The following AMZ1 variants were observed in gnomAD, a reference collection of about 807,000 sequenced individuals.
AMZ1 encodes the protein archaemetzincin-1.
In AMZ1, 39 loss-of-function variants were observed where a neutral mutation model predicts 29.9. The observed-to-expected ratio is 1.30, with a 90% CI of 1.01 to 1.70. AMZ1 has a LOEUF of 1.70. Ranked by LOEUF, AMZ1 falls within the 40% of genes most tolerant of loss-of-function variation. The probability of loss-of-function intolerance (pLI) is 0.00; values close to 1 mark genes in which losing one functional copy is unlikely to be tolerated. For missense variants in AMZ1, 1,041 were observed against 680.6 expected, an observed-to-expected ratio of 1.53 and a Z score of -5.89; for synonymous variants, 458 against 304.0, an observed-to-expected ratio of 1.51 and a Z score of -5.27.
In AMZ1 at chr7:2,709,720, C is replaced by G; in HGVS notation, c.852C>G (p.Ser284Arg). Residue 284 changes from serine (S) to arginine (R), a missense_variant, in exon 6 of 7, where the codon AGC (serine) becomes AGG (arginine). Ser to Arg is a moderately radical substitution (Grantham distance 110). Transcript: ENST00000683327. ...WLRCLMQGALSLDEALRRPLD... is the reference protein window; with the variant it reads ...WLRCLMQGALRLDEALRRPLD... ...GCTGCCTCATGCAGGGTGCGCTCAG[C>G]CTGGACGAGGCCCTGCGGCGGCCCC... 6.2e-7 allele frequency: 1 copy of G among 1,611,310 alleles called. No individual in the cohort carries two copies.
intron 4 of AMZ1, among the ~76,000 whole-genome samples, chr7:2,742,009 CACTTGA>C: frequency 6.6e-6 from 1 of 151,546 alleles, no homozygotes; most frequent in Admixed American, 6.6e-5. Context: ...TAATCTGAAA[CACTTGA>C]ATTTTTTTAT....
intron 5 of AMZ1, 57 bp from the exon 6 acceptor site, chr7:2,709,583 T>G (rs1788618346): frequency 1.3e-6 from 2 of 1,568,462 alleles, no homozygotes; most frequent in Non-Finnish European, 1.7e-6. Flanking sequence ...TGCCTGGGGA[T>G]CTGCCGGATG....
In AMZ1 at chr7:2,713,082, A is replaced by G; in HGVS notation, c.*204A>G. The G allele has an allele frequency of 2.1e-6, 1 of 472,860 alleles. No homozygotes were observed. Among genetic ancestry groups the G allele is most frequent in the Non-Finnish European group, 3.5e-6 (1 of 284,646 alleles). The allele number at this position is 472,860 out of a possible 1,614,324, so 29.3% of individuals were successfully genotyped here. A position where few individuals can be genotyped will look rare whatever the true frequency, so the allele number is the denominator to read the frequency against. On this transcript the variant is annotated 3_prime_UTR_variant, in exon 7 of 7. Transcript: ENST00000683327. ...GTGAGACTCTGCCTCTACAAAAGAA[A>G]AATTAAAAAATTAGCTGGATGAAGT...
At chr7:2,724,463 C>T (rs907297673), downstream of AMZ1, among the ~76,000 whole-genome samples, 1 of 152,230 alleles carries the variant, frequency 6.6e-6, no homozygotes, top group Non-Finnish European at 1.5e-5. Flanking sequence ...AACAAGAGCC[C>T]TTCATTTTCA....
chr7:2,684,872 CTTTTTTTTT>C (rs60735391), upstream of AMZ1, among the ~76,000 whole-genome samples: 1 of 132,634 alleles, frequency 7.5e-6, no homozygotes, highest in East Asian at 2.1e-4. Flanking sequence ...CACATAATTG[CTTTTTTTTT>C]TTTTTTTTTT....
chr7:2,707,815 G>C (rs1295287062), intron 3 of AMZ1, among the ~76,000 whole-genome samples: 1 of 136,028 alleles, frequency 7.4e-6, no homozygotes, highest in Non-Finnish European at 1.5e-5. Flanking sequence ...CCTCTAACGA[G>C]GGCTTTTTTT....
At chr7:2,752,733 C>A (rs548558629) in intron 4 of AMZ1, among the ~76,000 whole-genome samples, 1 of 151,530 alleles carries the variant, frequency 6.6e-6, no homozygotes, top group African/African-American at 2.4e-5. Flanking sequence ...TTTTTTTTGC[C>A]GTAACTTTTC....
In AMZ1 at chr7:2,700,798, G is replaced by T. The variant is rs758083347; in HGVS notation, c.304+43G>T. 8.2e-6 allele frequency: 13 copies of T among 1,590,832 alleles called. No homozygotes were observed. The South Asian group carries it at 1.0e-4, about 12-fold the overall frequency. On this transcript the variant is annotated intron_variant, in intron 2 of 6. Coordinates refer to ENST00000683327, the MANE Select transcript of AMZ1 (RefSeq NM_001384743.1). ...CCATCGGCACGCTCCTGGGGGACCAGCTTATATATAGCACAAGTGGGGGAT... is the reference window on the plus strand; with the variant it reads ...CCATCGGCACGCTCCTGGGGGACCATCTTATATATAGCACAAGTGGGGGAT...
intron 4 of AMZ1, among the ~76,000 whole-genome samples, chr7:2,744,662 G>C (rs974254338): frequency 6.6e-6 from 1 of 152,176 alleles, no homozygotes; most frequent in African/African-American, 2.4e-5. Flanking sequence ...GAACAAAGCT[G>C]GATGGACAAT....
At chr7:2,757,199 G>A (rs1476006824) in intron 4 of AMZ1, among the ~76,000 whole-genome samples, 1 of 136,852 alleles carries the variant, frequency 7.3e-6, no homozygotes, top group Non-Finnish European at 1.5e-5. Flanking sequence ...GTAGTGGCAC[G>A]ATCTTGGCTC....
upstream of AMZ1, among the ~76,000 whole-genome samples, chr7:2,761,616 T>G (rs1338099330): frequency 6.6e-6 from 1 of 152,152 alleles, no homozygotes; most frequent in African/African-American, 2.4e-5. Context: ...ACAGGGCACG[T>G]TCCCGAACCG....
chr7:2,708,575 C>T lies in AMZ1; in HGVS notation c.473-13C>T, dbSNP rs1562371068. On this transcript the variant is annotated splice_polypyrimidine_tract_variant and intron_variant, in intron 3 of 6. Coordinates refer to ENST00000683327, the MANE Select transcript of AMZ1 (RefSeq NM_001384743.1). ...CTGCCTCCTGACCCCATCCTCTGGC[C>T]CTCTCCCCGCAGACGGCATCCTGTC... The T allele has an allele frequency of 2.5e-6, 4 of 1,611,550 alleles. No individual in the cohort carries two copies. Among genetic ancestry groups the T allele is most frequent in the Non-Finnish European group, 3.4e-6 (4 of 1,179,794 alleles).
upstream of AMZ1, among the ~76,000 whole-genome samples, chr7:2,686,261 G>A (rs1446423960): frequency 2.0e-5 from 3 of 152,174 alleles, no homozygotes; most frequent in South Asian, 2.1e-4. Flanking sequence ...GGCTGGGCAC[G>A]GTGGCTCATA....
chr7:2,756,733 G>A (rs1791316784), intron 4 of AMZ1, among the ~76,000 whole-genome samples: 1 of 152,210 alleles, frequency 6.6e-6, no homozygotes, highest in Admixed American at 6.5e-5. Flanking sequence ...TTTCCCTGGA[G>A]TGTGGAAGGG....
intron 4 of AMZ1, among the ~76,000 whole-genome samples, chr7:2,740,502 C>T (rs1197341794): frequency 1.3e-5 from 2 of 152,320 alleles, no homozygotes; most frequent in Non-Finnish European, 1.5e-5. Context: ...CCTCAATTTC[C>T]AATCTCCAGA....
rs990440865 is a variant in AMZ1, at chr7:2,709,214, C to T, written c.741C>T (p.Phe247=). Residue 247 remains phenylalanine, a synonymous_variant, in exon 5 of 7, where the codon TTC becomes TTT. Coordinates refer to ENST00000683327, the MANE Select transcript of AMZ1 (RefSeq NM_001384743.1). ...AGGACAGGGGCTGGGCCCTGTGCTT[C>T]AGTGCCCTGGGGATGGTTCAGTGCT... ...PLQDRGWALC[F]SALGMVQCCK... 6 of 1,511,360 alleles carry T rather than the reference C, an allele frequency of 4.0e-6. No individual in the cohort carries two copies. Among genetic ancestry groups the T allele is most frequent in the Admixed American group, 4.6e-5 (2 of 43,554 alleles). The allele number at this position is 1,511,360 out of a possible 1,614,324, so 93.6% of individuals were successfully genotyped here.
chr7:2,764,932 G>C (rs766589379), exon 1 of AMZ1: 8 of 152,254 alleles, frequency 5.3e-5, no homozygotes, highest in Non-Finnish European at 1.2e-4. Context: ...AATGCACAAA[G>C]CGTTGAGGTA....
rs189871256 is a variant in AMZ1 at position 2,718,067 on chromosome 7, G to C, written c.*5189G>C. The stretch of plus-strand genomic sequence containing the variant: ...CCGTCCAACCTCCTGCCCTCTCTGA[G>C]AGGGGCCCGAGCTCTCGCAAGATTA... On this transcript the variant is annotated 3_prime_UTR_variant, in exon 7 of 7. Transcript: ENST00000683327. Among the ~76,000 whole-genome samples the C allele has an allele frequency of 5.8e-3, 881 of 152,288 alleles. 5 individuals carry two copies. The highest frequency in any genetic ancestry group is 0.02 in the African/African-American group (812 of 41,546).
intron 3 of AMZ1, among the ~76,000 whole-genome samples, chr7:2,708,336 C>G (rs1483937664): frequency 6.6e-6 from 1 of 152,220 alleles, no homozygotes; most frequent in East Asian, 1.9e-4. Context: ...CCGGCTGCCT[C>G]TCCAGCGTCC....
Sources: allele counts gnomAD v4.1 joint callset (sites outside exome capture counted in the v4.1 genomes callset), GRCh38; gene constraint gnomAD v4.1.1; transcripts MANE v1.5; gene names NCBI Gene and HGNC (gene_info 2026-07-23, HGNC 2026-07-21).